CSNK1G1: variants seen among roughly 807,000 people sequenced by gnomAD.
CSNK1G1 encodes casein kinase 1 gamma 1.
CSNK1G1 carries 22 observed loss-of-function variants against 59.6 expected under a neutral mutation model. The observed-to-expected ratio is 0.37, with a 90% confidence interval of 0.26 to 0.53. The LOEUF is 0.53. Ranked by LOEUF, CSNK1G1 falls within the 20% of genes least tolerant of loss-of-function variation. The pLI is 0.89. For synonymous variants in CSNK1G1, 179 were observed against 177.1 expected (o/e 1.01, Z -0.08); for missense variants, 384 against 519.5 (o/e 0.74, Z 2.54).
At chr15:64,228,810 G>A (rs1425051618) in intron 4 of CSNK1G1, among the ~76,000 whole-genome samples, 1 of 152,000 alleles carries the variant, frequency 6.6e-6, no homozygotes, top group East Asian at 1.9e-4. Flanking sequence ...GTGCTCAGAA[G>A]TTCAACACCA....
chr15:64,210,688 A>G lies in CSNK1G1; in HGVS notation c.680-3094T>C, dbSNP rs1345599975. Among the ~76,000 whole-genome samples, 1 of 152,178 alleles carries G rather than the reference A, an allele frequency of 6.6e-6. No individual in the cohort carries two copies. Among genetic ancestry groups the G allele is most frequent in the African/African-American group, 2.4e-5 (1 of 41,434 alleles). ...CTCACCCTAATTTCAACCATTAAAT[A>G]ATATAAATTGGGCTTCTCAGTAAAA... On this transcript the variant is annotated intron_variant, in intron 6 of 11. Transcript: ENST00000303052. The surrounding 1 kb of genome is among the most constrained non-coding windows in gnomAD (Gnocchi z 4.2).
intron 1 of CSNK1G1, among the ~76,000 whole-genome samples, chr15:64,335,230 G>C (rs1354311746): frequency 1.3e-5 from 2 of 152,086 alleles, no homozygotes; most frequent in Non-Finnish European, 2.9e-5. Context: ...GCAAAGCTAG[G>C]CTAAAACAAT....
intron 10 of CSNK1G1, among the ~76,000 whole-genome samples, chr15:64,201,090 G>A (rs2082100243): frequency 6.6e-6 from 1 of 151,976 alleles, no homozygotes. Flanking sequence ...TGGCCAACAT[G>A]GCGAAACCTC....
intron 10 of CSNK1G1, among the ~76,000 whole-genome samples, chr15:64,199,250 C>CAAAAAAAAAAAAA (rs56819260): frequency 3.8e-5 from 2 of 52,326 alleles, no homozygotes; most frequent in East Asian, 6.4e-4. Flanking sequence ...AATCTTTTCT[C>CAAAAAAAAAAAAA]AAAAAAAAAA....
At chr15:64,240,226 T>A (rs2082675980) in intron 4 of CSNK1G1, among the ~76,000 whole-genome samples, 1 of 151,994 alleles carries the variant, frequency 6.6e-6, no homozygotes, top group African/African-American at 2.4e-5. Context: ...AGAGTAAGAC[T>A]CCGTCTCAAC....
chr15:64,320,806 G>A (rs184558347), intron 1 of CSNK1G1, among the ~76,000 whole-genome samples: 55 of 151,722 alleles, frequency 3.6e-4, no homozygotes, highest in Non-Finnish European at 6.6e-4. Context: ...TTATATGTTC[G>A]CAATTAATTT....
chr15:64,304,037 G>A (rs1331388370), intron 1 of CSNK1G1, among the ~76,000 whole-genome samples: 5 of 151,924 alleles, frequency 3.3e-5, no homozygotes, highest in Admixed American at 1.3e-4. Flanking sequence ...GACACTAAAG[G>A]TGCTGTGTCA....
chr15:64,341,737 A>C (rs1897691852), intron 1 of CSNK1G1, among the ~76,000 whole-genome samples: 1 of 152,144 alleles, frequency 6.6e-6, no homozygotes, highest in African/African-American at 2.4e-5. Context: ...CACCACACTC[A>C]GCTTAAACTG....
intron 2 of CSNK1G1, among the ~76,000 whole-genome samples, chr15:64,294,942 C>T (rs1307287095): frequency 1.4e-5 from 2 of 137,950 alleles, no homozygotes; most frequent in Admixed American, 7.3e-5. Context: ...AAAAGAGGGT[C>T]GGGGGGTGGC....
At chr15:64,227,039 A>C (rs1171024344) in intron 4 of CSNK1G1, among the ~76,000 whole-genome samples, 2 of 152,236 alleles carry the variant, frequency 1.3e-5, no homozygotes, top group Non-Finnish European at 2.9e-5. Context: ...CACTGGTCCA[A>C]GCATATGGTA....
chr15:64,325,221 T>C (rs1042475504), intron 1 of CSNK1G1, among the ~76,000 whole-genome samples: 2 of 152,230 alleles, frequency 1.3e-5, no homozygotes, highest in Non-Finnish European at 2.9e-5. Flanking sequence ...CAAGTGGTTG[T>C]TAGTGATATT....
At chr15:64,230,871 G>A (rs561470079) in intron 4 of CSNK1G1, among the ~76,000 whole-genome samples, 1 of 152,128 alleles carries the variant, frequency 6.6e-6, no homozygotes, top group African/African-American at 2.4e-5. Context: ...CTACTCAGGA[G>A]GCTGAGGCAG....
chr15:64,323,477 T>C (rs1896675674), intron 1 of CSNK1G1, among the ~76,000 whole-genome samples: 1 of 152,138 alleles, frequency 6.6e-6, no homozygotes, highest in African/African-American at 2.4e-5. Flanking sequence ...GCGATTCTCC[T>C]GCCTCAGCCT....
chr15:64,202,950 C>G, intron 10 of CSNK1G1, 132 bp downstream of exon 10: 1 of 715,754 alleles, frequency 1.4e-6, no homozygotes, highest in Non-Finnish European at 2.5e-6. Flanking sequence ...TCATACCACA[C>G]CTGTAAGAAA....
chr15:64,234,134 C>G (rs1338402238), intron 4 of CSNK1G1, among the ~76,000 whole-genome samples: 2 of 152,122 alleles, frequency 1.3e-5, no homozygotes, highest in Non-Finnish European at 2.9e-5. Flanking sequence ...ATCAGGCACA[C>G]TTTTATATTT....
chr15:64,207,947 CCTT>C (rs2082204136), intron 6 of CSNK1G1, among the ~76,000 whole-genome samples: 1 of 152,128 alleles, frequency 6.6e-6, no homozygotes, highest in Non-Finnish European at 1.5e-5. Flanking sequence ...GCTACAATTA[CCTT>C]TTAGTTACCA....
At chr15:64,223,971 G>A (rs2082423849) in intron 4 of CSNK1G1, among the ~76,000 whole-genome samples, 1 of 152,164 alleles carries the variant, frequency 6.6e-6, no homozygotes, top group African/African-American at 2.4e-5. Context: ...AACACATTAT[G>A]AACCCTAACT....
intron 10 of CSNK1G1, among the ~76,000 whole-genome samples, chr15:64,201,728 G>A (rs2082111278): frequency 1.3e-5 from 2 of 151,058 alleles, no homozygotes; most frequent in African/African-American, 4.9e-5. Flanking sequence ...GTGTGTGTGT[G>A]TGTGTGTGTG....
At chr15:64,217,601 C>G (rs906061576) in intron 4 of CSNK1G1, among the ~76,000 whole-genome samples, 1 of 152,060 alleles carries the variant, frequency 6.6e-6, no homozygotes, top group African/African-American at 2.4e-5. Flanking sequence ...GAGTGGATCA[C>G]AAGGTCAAGA....
Sources: gnomAD v4.1 joint callset for allele counts (sites outside exome capture counted in the v4.1 genomes callset) on GRCh38, gnomAD v4.1.1 for gene constraint, Gnocchi (gnomAD v3.1) non-coding constraint, MANE v1.5 for transcripts, NCBI Gene and HGNC (gene_info 2026-07-23, HGNC 2026-07-21) for gene names.